HECW1: variants seen among roughly 807,000 people sequenced by gnomAD.
The protein encoded by HECW1 is HECT, C2 and WW domain containing E3 ubiquitin protein ligase 1.
In HECW1, 61 loss-of-function variants were observed where a neutral mutation model predicts 182.3. The observed-to-expected ratio is 0.33, with a 90% CI of 0.27 to 0.41. HECW1 has a LOEUF of 0.41. HECW1 is among the 10% of genes least tolerant of loss of function. The pLI is 1.00. For synonymous variants in HECW1, 859 were observed against 832.6 expected, an observed-to-expected ratio of 1.03 and a Z score of -0.55; for missense variants, 1,739 against 2,108.9, an observed-to-expected ratio of 0.82 and a Z score of 3.44.
chr7:43,159,841 G>A (rs112227697), intron 2 of HECW1, among the ~76,000 whole-genome samples: 9 of 151,894 alleles, frequency 5.9e-5, no homozygotes, highest in Admixed American at 1.3e-4. Flanking sequence ...CACCACGCCC[G>A]GCTAATTTTT....
intron 5 of HECW1, among the ~76,000 whole-genome samples, chr7:43,336,006 TTC>T (rs1812123473): frequency 8.5e-6 from 1 of 117,974 alleles, no homozygotes; most frequent in African/African-American, 3.3e-5. Flanking sequence ...CTTCCTTCCT[TTC>T]TCTTTCTCTT....
intron 2 of HECW1, among the ~76,000 whole-genome samples, chr7:43,137,632 C>A (rs1174458217): frequency 6.6e-6 from 1 of 151,892 alleles, no homozygotes; most frequent in African/African-American, 2.4e-5. Context: ...TCACTGCAAC[C>A]CACACCTCCT....
chr7:43,113,039 T>G, intron 1 of HECW1, 102 bp downstream of exon 1: 3 of 166,854 alleles, frequency 1.8e-5, no homozygotes, highest in Middle Eastern at 2.3e-3. Context: ...GCGCCCTCCC[T>G]TCTCGGGGCC....
intron 7 of HECW1, among the ~76,000 whole-genome samples, chr7:43,405,326 G>A (rs543822956): frequency 1.3e-5 from 2 of 152,242 alleles, no homozygotes; most frequent in Admixed American, 6.5e-5. Context: ...CAATTTGCTA[G>A]GAGGACTCAC....
chr7:43,277,613 G>A (rs778264491), intron 3 of HECW1, among the ~76,000 whole-genome samples: 2 of 152,096 alleles, frequency 1.3e-5, no homozygotes, highest in Admixed American at 6.5e-5. Flanking sequence ...CCCTCAGTTA[G>A]ACCATTTCCG....
chr7:43,182,620 T>C (rs577880843), intron 2 of HECW1, among the ~76,000 whole-genome samples: 95 of 152,360 alleles, frequency 6.2e-4, no homozygotes, highest in Non-Finnish European at 1.1e-3. Context: ...TTTCTCAAGA[T>C]TGCTTTGCCT....
intron 3 of HECW1, among the ~76,000 whole-genome samples, chr7:43,289,541 C>T (rs1805115124): frequency 6.6e-6 from 1 of 152,190 alleles, no homozygotes; most frequent in South Asian, 2.1e-4. Flanking sequence ...AGGTCATGGG[C>T]TAGTGTGGAA....
intron 17 of HECW1, among the ~76,000 whole-genome samples, chr7:43,487,992 A>G (rs2078714471): frequency 6.8e-6 from 1 of 146,908 alleles, no homozygotes; most frequent in Non-Finnish European, 1.5e-5. Flanking sequence ...GAAAGAAAAA[A>G]GAAAGAAAGA....
At chr7:43,340,864 G>T (rs1397838139) in intron 5 of HECW1, among the ~76,000 whole-genome samples, 3 of 151,704 alleles carry the variant, frequency 2.0e-5, no homozygotes, top group East Asian at 1.9e-4. Context: ...GCACACGTAT[G>T]TTTATTGTGG....
intron 3 of HECW1, 177 bp from the exon 4 acceptor site, chr7:43,311,583 TGAA>T (rs1808508270): frequency 2.6e-6 from 2 of 768,126 alleles, no homozygotes; most frequent in South Asian, 2.7e-5. Context: ...TGTCCCCGTG[TGAA>T]CCCAGAGCTG....
chr7:43,425,503 C>G (rs1379483600), intron 8 of HECW1, among the ~76,000 whole-genome samples: 1 of 152,194 alleles, frequency 6.6e-6, no homozygotes, highest in African/African-American at 2.4e-5. Flanking sequence ...GCGCTATCCA[C>G]TACAGATTGG....
At chr7:43,233,273 C>G (rs1488177526) in intron 2 of HECW1, among the ~76,000 whole-genome samples, 1 of 152,208 alleles carries the variant, frequency 6.6e-6, no homozygotes, top group Non-Finnish European at 1.5e-5. Context: ...CTATCACCAA[C>G]TAACATAATT....
Position 43,264,583 on chromosome 7 carries a change from C to T in HECW1, c.27+20651C>T, listed in dbSNP as rs557053722. On this transcript the variant is annotated intron_variant, in intron 3 of 29. Transcript: ENST00000395891. The stretch of plus-strand genomic sequence containing the variant: ...ATTGTCAGCCAGGCGCGGTGGCTCA[C>T]GCCTGTAATCTCAGCACTTTGGGAG... Among the ~76,000 whole-genome samples, 56 of 152,200 alleles carry T rather than the reference C, an allele frequency of 3.7e-4. No individual in the cohort carries two copies. The East Asian group carries it at 5.2e-3, about 14-fold the overall frequency.
At chr7:43,254,252 T>A (rs1286047848) in intron 3 of HECW1, among the ~76,000 whole-genome samples, 1 of 151,854 alleles carries the variant, frequency 6.6e-6, no homozygotes, top group Non-Finnish European at 1.5e-5. Flanking sequence ...ACAGAAGATC[T>A]TTTTTTTCCA....
intron 2 of HECW1, among the ~76,000 whole-genome samples, chr7:43,158,508 A>G (rs970621721): frequency 3.3e-5 from 5 of 152,238 alleles, no homozygotes; most frequent in Non-Finnish European, 7.3e-5. Context: ...CTGTGGGTGC[A>G]TACAAAATAT....
intron 8 of HECW1, among the ~76,000 whole-genome samples, chr7:43,435,982 G>A (rs1273131038): frequency 6.6e-6 from 1 of 152,118 alleles, no homozygotes; most frequent in East Asian, 1.9e-4. Context: ...GGCTAACACA[G>A]TGAAACGCTG....
intron 5 of HECW1, among the ~76,000 whole-genome samples, chr7:43,360,475 C>T (rs1043869267): frequency 6.6e-6 from 1 of 152,126 alleles, no homozygotes; most frequent in Non-Finnish European, 1.5e-5. Context: ...CTATGTACTT[C>T]AATAACTTCT....
chr7:43,146,609 C>G (rs1273523919), intron 2 of HECW1, among the ~76,000 whole-genome samples: 1 of 152,158 alleles, frequency 6.6e-6, no homozygotes. Context: ...CAATTCTGAA[C>G]CACTGCTTGT....
At chr7:43,172,011 C>T (rs1286726754) in intron 2 of HECW1, among the ~76,000 whole-genome samples, 1 of 151,966 alleles carries the variant, frequency 6.6e-6, no homozygotes, top group African/African-American at 2.4e-5. Flanking sequence ...GGCACAGTGG[C>T]TCACATCTGT....
Sources: gnomAD v4.1 joint callset for allele counts (sites outside exome capture counted in the v4.1 genomes callset) on GRCh38, gnomAD v4.1.1 for gene constraint, MANE v1.5 for transcripts, NCBI Gene and HGNC (gene_info 2026-07-23, HGNC 2026-07-21) for gene names.